The following PKD2L1 variants were observed in gnomAD, a reference collection of about 807,000 sequenced individuals.
PKD2L1 encodes the protein polycystin-2-like protein 1.
Under a neutral mutation model 93.0 loss-of-function variants are expected in PKD2L1, and 77 were observed. The observed-to-expected ratio is 0.83, with a 90% CI of 0.69 to 1.00. The LOEUF is 1.00. Ranked by LOEUF, PKD2L1 falls within the 50% of genes least tolerant of loss-of-function variation. The pLI, the probability that PKD2L1 is intolerant of heterozygous loss-of-function variation, is 0.00. For missense variants in PKD2L1, 977 were observed against 990.9 expected, an observed-to-expected ratio of 0.99 and a Z score of 0.19; for synonymous variants, 390 against 388.0, an observed-to-expected ratio of 1.01 and a Z score of -0.06.
Position 100,330,227 on chromosome 10 carries a change from T to TTCC in PKD2L1, c.-125_-124insGGA. 1.7e-6 allele frequency: 1 copy of TTCC among 591,856 alleles called. No homozygotes were observed. Among genetic ancestry groups the TTCC allele is most frequent in the East Asian group, 2.9e-5 (1 of 34,400 alleles). The allele number at this position is 591,856 out of a possible 1,614,324, so 36.7% of individuals were successfully genotyped here. A position where few individuals can be genotyped will look rare whatever the true frequency, so the allele number is the denominator to read the frequency against. Reference sequence around the variant, plus strand: ...TGGAAAGGCGTCTGAGAGCAGCTGTTTCCACACAGCCTGGGCTCCTGCCTT... The same window carrying TTCC: ...TGGAAAGGCGTCTGAGAGCAGCTGTTTCCTCCACACAGCCTGGGCTCCTGCCTT... On this transcript the variant is annotated 5_prime_UTR_variant, in exon 1 of 16. Coordinates refer to ENST00000318222, the MANE Select transcript of PKD2L1 (RefSeq NM_016112.3).
At chr10:100,289,134 A>C (rs558804936) in intron 14 of PKD2L1, 78 bp from the exon 15 acceptor site, 2 of 1,020,500 alleles carry the variant, frequency 2.0e-6, no homozygotes, top group South Asian at 2.9e-5. Context: ...ATCTGATTCC[A>C]GAGAACTCAG....
Position 100,298,559 on chromosome 10 carries a change from C to G in PKD2L1, c.731+3G>C. The G allele has an allele frequency of 6.2e-7, 1 of 1,613,792 alleles. No individual in the cohort carries two copies. Among genetic ancestry groups the G allele is most frequent in the East Asian group, 2.2e-5 (1 of 44,874 alleles). ...GTGATATTGGTAGGACAGGCTCACT[C>G]ACGCTGTGCCATTGAAGGGCCCAAA... On this transcript the variant is annotated splice_donor_region_variant and intron_variant, in intron 4 of 15. Transcript: ENST00000318222.
intron 11 of PKD2L1, among the ~76,000 whole-genome samples, chr10:100,292,492 C>CAA (rs113936745): frequency 0.037 from 4,830 of 129,938 alleles, 200 homozygotes; most frequent in African/African-American, 0.11. Flanking sequence ...GACTTTGTCT[C>CAA]AAAAAAAAAA....
intron 2 of PKD2L1, among the ~76,000 whole-genome samples, chr10:100,301,776 G>C (rs1848683524): frequency 6.6e-6 from 1 of 152,212 alleles, no homozygotes; most frequent in Non-Finnish European, 1.5e-5. Context: ...GGGATTAAGA[G>C]ATTAAAGTAA....
In PKD2L1 at chr10:100,318,889, C is replaced by T. The variant is rs1246192509; in HGVS notation, c.349+10322G>A. Among the ~76,000 whole-genome samples, 3 of 146,198 alleles carry T rather than the reference C, an allele frequency of 2.1e-5. No individual in the cohort carries two copies. In the East Asian group the frequency reaches 6.2e-4, roughly 30 times the overall value. On this transcript the variant is annotated intron_variant, in intron 2 of 15. Transcript: ENST00000318222. ...TTAGATGGAATCTCACTCTGTCGCC[C>T]AGGCTGAGTACAGTGGCGTGATCTC...
At position 100,293,178 on chromosome 10, in the gene PKD2L1, A is replaced by C. The variant is rs933193978; in HGVS notation, c.1758+103T>G. ...CTTCCAAGGATAAATTTAAAGGCAC[A>C]CAAGGGCACAGGCACCTCAATCAGT... On this transcript the variant is annotated intron_variant, in intron 10 of 15. Transcript: ENST00000318222. The C allele has an allele frequency of 4.5e-6, 7 of 1,567,574 alleles. No homozygotes were observed. The African/African-American group carries it at 8.1e-5, about 18-fold the overall frequency.
intron 2 of PKD2L1, among the ~76,000 whole-genome samples, chr10:100,303,191 G>C (rs896980318): frequency 7.8e-6 from 1 of 128,984 alleles, no homozygotes; most frequent in African/African-American, 3.0e-5. Flanking sequence ...ACATCAAACT[G>C]TTTTTTTGTT....
At chr10:100,309,193 T>C (rs986928152) in intron 2 of PKD2L1, among the ~76,000 whole-genome samples, 5 of 152,114 alleles carry the variant, frequency 3.3e-5, no homozygotes, top group African/African-American at 7.2e-5. Flanking sequence ...GTCATCGAAA[T>C]AGTAACAAAA....
In PKD2L1 at chr10:100,297,702, TTGTGTGTGTG is replaced by T. The variant is rs60373525; in HGVS notation, c.732-106_732-97del. 2.2e-3 allele frequency: 1,315 copies of T among 607,348 alleles called. 9 individuals are homozygous for T. Among genetic ancestry groups the T allele is most frequent in the African/African-American group, 0.011 (579 of 52,134 alleles). 37.6% of individuals were successfully genotyped at this position (607,348 alleles called of 1,614,324 possible). A position where few individuals can be genotyped will look rare whatever the true frequency, so the allele number is the denominator to read the frequency against. ...TGTCTGGGCTTTACAGGTTTACATA[TTGTGTGTGTG>T]TGTGTGTGTGTGTGTGTGTGTGTGT... is the stretch of plus-strand genomic sequence containing the variant. On this transcript the variant is annotated intron_variant, in intron 4 of 15. Coordinates refer to ENST00000318222, the MANE Select transcript of PKD2L1 (RefSeq NM_016112.3).
intron 3 of PKD2L1, 49 bp downstream of exon 3, chr10:100,299,542 C>T: frequency 6.3e-7 from 1 of 1,574,998 alleles, no homozygotes; most frequent in Non-Finnish European, 8.7e-7. Context: ...CCTGTGGCCT[C>T]AGGCCATTGA....
intron 2 of PKD2L1, among the ~76,000 whole-genome samples, chr10:100,311,585 G>A (rs570060357): frequency 5.9e-5 from 9 of 152,326 alleles, no homozygotes; most frequent in African/African-American, 2.2e-4. Context: ...GAAGTCACCA[G>A]TGCTGACTTC....
chr10:100,296,760 A>G (rs747574619), intron 6 of PKD2L1, among the ~76,000 whole-genome samples: 1 of 151,800 alleles, frequency 6.6e-6, no homozygotes, highest in South Asian at 2.1e-4. Flanking sequence ...CACAGGGCTC[A>G]GATGACAGGT....
chr10:100,293,501 C>T (rs959386170), intron 9 of PKD2L1, 122 bp from the exon 10 acceptor site: 19 of 667,810 alleles, frequency 2.8e-5, no homozygotes, highest in Non-Finnish European at 4.1e-5. Context: ...AACCCCAGTT[C>T]GGCAGCCCAT....
chr10:100,306,145 C>T (rs1262745869), intron 2 of PKD2L1, among the ~76,000 whole-genome samples: 1 of 152,046 alleles, frequency 6.6e-6, no homozygotes, highest in African/African-American at 2.4e-5. Context: ...CAAAAACAAA[C>T]CAACCCCTAA....
Position 100,322,420 on chromosome 10 carries a change from G to A in PKD2L1, c.349+6791C>T, listed in dbSNP as rs142209919. On this transcript the variant is annotated intron_variant, in intron 2 of 15. Transcript: ENST00000318222. ...TGGGCGCCTGTAATCCCAGGTACACGGGAGGCTGAGGCAGGACACTGCACT... is the reference window on the plus strand; with the variant it reads ...TGGGCGCCTGTAATCCCAGGTACACAGGAGGCTGAGGCAGGACACTGCACT... 1.5e-3 allele frequency among the ~76,000 whole-genome samples: 227 copies of A among 152,070 alleles called. 2 individuals are homozygous for A. Among genetic ancestry groups the A allele is most frequent in the Non-Finnish European group, 4.3e-4 (29 of 67,994 alleles).
intron 15 of PKD2L1, 102 bp downstream of exon 15, chr10:100,288,869 TG>T (rs775183533): frequency 1.6e-5 from 11 of 684,334 alleles, no homozygotes; most frequent in Non-Finnish European, 2.7e-5. Context: ...GCAGCCATGA[TG>T]GGACCTGTTG....
At chr10:100,320,912 C>T (rs897762307) in intron 2 of PKD2L1, among the ~76,000 whole-genome samples, 3 of 152,152 alleles carry the variant, frequency 2.0e-5, no homozygotes, top group African/African-American at 7.2e-5. Flanking sequence ...AATCTCTCTC[C>T]TTATCAATTC....
intron 15 of PKD2L1, among the ~76,000 whole-genome samples, 164 bp downstream of exon 15, chr10:100,288,806 ACC>A (rs1486463258): frequency 1.1e-4 from 16 of 152,228 alleles, no homozygotes; most frequent in African/African-American, 3.1e-4. Flanking sequence ...CATGATGCCC[ACC>A]ACACACAGAA....
At chr10:100,325,262 C>T (rs1849352135) in intron 2 of PKD2L1, among the ~76,000 whole-genome samples, 1 of 152,142 alleles carries the variant, frequency 6.6e-6, no homozygotes, top group African/African-American at 2.4e-5. Context: ...CTCTTGGGGG[C>T]TACATCGTCC....
Sources: gnomAD v4.1 joint callset for allele counts (sites outside exome capture counted in the v4.1 genomes callset) on GRCh38, gnomAD v4.1.1 for gene constraint, MANE v1.5 for transcripts, NCBI Gene and HGNC (gene_info 2026-07-23, HGNC 2026-07-21) for gene names.